MGA: variants seen among roughly 807,000 people sequenced by gnomAD.
The protein encoded by MGA is MAX dimerization protein MGA.
MGA carries 40 observed loss-of-function variants against 261.1 expected under a neutral mutation model. The ratio of observed to expected loss-of-function variants is 0.15; its 90% confidence interval spans 0.12 to 0.20. The LOEUF (loss-of-function observed/expected upper bound fraction) is 0.20. Among genes scored for constraint, MGA ranks in the 10% least tolerant of loss-of-function variants. The probability of loss-of-function intolerance (pLI) is 1.00; values close to 1 mark genes in which losing one functional copy is unlikely to be tolerated. For missense variants in MGA, 3,397 were observed against 3,630.5 expected, an observed-to-expected ratio of 0.94 and a Z score of 1.65; for synonymous variants, 1,302 against 1,290.6, an observed-to-expected ratio of 1.01 and a Z score of -0.19.
At chr15:41,705,138 A>G (rs1417549608) in intron 5 of MGA, among the ~76,000 whole-genome samples, 1 of 152,170 alleles carries the variant, frequency 6.6e-6, no homozygotes, top group Non-Finnish European at 1.5e-5. Context: ...TTCATATGAA[A>G]TCAGCTGAGT....
chr15:41,767,664 T>C lies in MGA; in HGVS notation c.*384T>C, dbSNP rs1432285475. 1 of 200,676 alleles carries C rather than the reference T, an allele frequency of 5.0e-6. No individual in the cohort carries two copies. The highest frequency in any genetic ancestry group is 1.0e-5 in the Non-Finnish European group (1 of 97,120). 12.4% of individuals were successfully genotyped at this position (200,676 alleles called of 1,614,324 possible). Reference sequence around the variant, plus strand: ...TTTGGAGTTGCTGTAGACTGAACTGTAGCTTGTAGCTGTTGAATTAAGTCC... The same window carrying C: ...TTTGGAGTTGCTGTAGACTGAACTGCAGCTTGTAGCTGTTGAATTAAGTCC... On this transcript the variant is annotated 3_prime_UTR_variant, in exon 24 of 24. Transcript: ENST00000219905.
intron 11 of MGA, 65 bp downstream of exon 11, chr15:41,729,414 T>C: frequency 7.0e-7 from 1 of 1,432,954 alleles, no homozygotes; most frequent in Non-Finnish European, 9.6e-7. Flanking sequence ...TTAAGATTTG[T>C]ATTACTATCA....
Position 41,718,887 on chromosome 15 carries a change from C to T in MGA, c.3430+5391C>T, listed in dbSNP as rs144732164. On this transcript the variant is annotated intron_variant, in intron 9 of 23. Transcript: ENST00000219905. ...GCCCATTTTTACCACTTCTGTTTAA[C>T]GTTATGTACAGGAGGTCCTAGCCAG... 4.9e-3 allele frequency among the ~76,000 whole-genome samples: 743 copies of T among 152,034 alleles called. 6 individuals are homozygous for T. The highest frequency in any genetic ancestry group is 0.017 in the African/African-American group (711 of 41,524).
chr15:41,733,267 C>T (rs558570779), intron 11 of MGA, among the ~76,000 whole-genome samples: 13 of 152,074 alleles, frequency 8.5e-5, no homozygotes, highest in Admixed American at 2.0e-4. Flanking sequence ...TGTTCCTCTA[C>T]TTTCTTAACT....
At chr15:41,653,096 G>A (rs2057100810) in intron 1 of MGA, among the ~76,000 whole-genome samples, 1 of 152,088 alleles carries the variant, frequency 6.6e-6, no homozygotes, top group South Asian at 2.1e-4. Flanking sequence ...GCTGGGCGTG[G>A]TAGCTCACGC....
intron 1 of MGA, among the ~76,000 whole-genome samples, chr15:41,626,429 T>C (rs28579440): frequency 6.6e-6 from 1 of 152,028 alleles, no homozygotes; most frequent in African/African-American, 2.4e-5. Context: ...CTTTTTTTTT[T>C]AAAATTTTTT....
At chr15:41,651,947 T>C (rs1595573688) in intron 1 of MGA, among the ~76,000 whole-genome samples, 1 of 37,032 alleles carries the variant, frequency 2.7e-5, no homozygotes, top group African/African-American at 1.1e-4. Flanking sequence ...CCGTCTCTCC[T>C]CTTCCCCCCA....
intron 17 of MGA, among the ~76,000 whole-genome samples, chr15:41,753,184 C>T (rs1370349789): frequency 8.5e-5 from 13 of 152,054 alleles, no homozygotes; most frequent in Admixed American, 7.2e-4. Flanking sequence ...CTGAGGCAGG[C>T]GGATCACCTG....
rs567854352 is a variant in MGA, at chr15:41,765,945, A to G, written c.7922-59A>G. 7 of 1,358,794 alleles carry G rather than the reference A, an allele frequency of 5.2e-6. No individual in the cohort carries two copies. The African/African-American group carries it at 1.0e-4, about 20-fold the overall frequency. The allele number at this position is 1,358,794 out of a possible 1,614,324, so 84.2% of individuals were successfully genotyped here. The stretch of plus-strand genomic sequence containing the variant: ...TGGTTATATGATATGACAGAGAGAA[A>G]GAGAGGTGTTAACACTAGATCTAAA... On this transcript the variant is annotated intron_variant, in intron 23 of 23. Transcript: ENST00000219905.
Position 41,669,742 on chromosome 15 carries a change from A to G in MGA, c.848A>G (p.Asn283Ser), listed in dbSNP as rs762868213. Residue 283 changes from asparagine (N) to serine (S), a missense_variant, in exon 2 of 24, where the codon AAT becomes AGT. Around this residue, in one of 9 missense-constraint regions of MGA, gnomAD observed 563 missense variants for 563.6 expected, o/e 1.00. Transcript: ENST00000219905. The stretch of plus-strand genomic sequence containing the variant: ...AACAGCTCTGACCAAGAAGGGAATA[A>G]TATTTCCAGTTCTTCTGGTCATCGG... 2 of 1,613,804 alleles carry G rather than the reference A, an allele frequency of 1.2e-6. No individual in the cohort carries two copies. Among genetic ancestry groups the G allele is most frequent in the African/African-American group, 1.3e-5 (1 of 75,042 alleles).
At chr15:41,654,141 CT>C (rs2150740290) in intron 1 of MGA, among the ~76,000 whole-genome samples, 1 of 152,260 alleles carries the variant, frequency 6.6e-6, no homozygotes, top group East Asian at 1.9e-4. Flanking sequence ...GTGACTTATA[CT>C]CCATCACAGT....
rs1039083951 is a variant in MGA, at chr15:41,750,050, T to C, written c.6443T>C (p.Met2148Thr). The stretch of plus-strand genomic sequence containing the variant: ...TTTGAATTGTCAGGAAGCAAAGTTA[T>C]GGAGCAGCAATCTAATCTACAGCCA... The change falls in exon 17 of 24, where the codon ATG (methionine) becomes ACG (threonine). Residue 2148 changes from methionine (M) to threonine (T), a missense_variant. Transcript: ENST00000219905. The C allele has an allele frequency of 5.6e-6, 9 of 1,613,264 alleles. No homozygotes were observed. The East Asian group carries it at 6.7e-5, about 12-fold the overall frequency.
chr15:41,657,458 A>G (rs769132411), upstream of MGA, among the ~76,000 whole-genome samples: 3 of 147,090 alleles, frequency 2.0e-5, no homozygotes, highest in East Asian at 4.1e-4. Context: ...TGTTCAAGCA[A>G]TTCCCTTGCC....
chr15:41,663,185 A>G (rs1361929901), intron 1 of MGA, among the ~76,000 whole-genome samples: 1 of 152,150 alleles, frequency 6.6e-6, no homozygotes, highest in Non-Finnish European at 1.5e-5. Flanking sequence ...TACCTAAAAA[A>G]TGTTTTCTAT....
chr15:41,700,005 A>G (rs1005467946), intron 5 of MGA, among the ~76,000 whole-genome samples: 13 of 133,404 alleles, frequency 9.7e-5, no homozygotes, highest in African/African-American at 2.5e-4. Flanking sequence ...TACATGTGCT[A>G]TGGTGGTTTC....
At position 41,696,924 on chromosome 15, in the gene MGA, T is replaced by C; in HGVS notation, c.1914T>C (p.Ser638=). ...AGAACACAGGAAAGTCTTTAATTTC[T>C]ACAAAGAATACACCTGTAAGCCCTG... Residue 638 remains serine, a synonymous_variant, in exon 3 of 24, where the codon TCT becomes TCC. Transcript: ENST00000219905. 6.2e-7 allele frequency: 1 copy of C among 1,601,796 alleles called. No individual in the cohort carries two copies. The highest frequency in any genetic ancestry group is 8.5e-7 in the Non-Finnish European group (1 of 1,173,682).
intron 1 of MGA, among the ~76,000 whole-genome samples, chr15:41,624,503 T>A (rs1056365639): frequency 6.6e-6 from 1 of 152,048 alleles, no homozygotes; most frequent in African/African-American, 2.4e-5. Flanking sequence ...CCTAGCTAAT[T>A]TTTGTATTTT....
intron 11 of MGA, among the ~76,000 whole-genome samples, chr15:41,732,130 C>G (rs1021543849): frequency 3.3e-5 from 5 of 151,566 alleles, no homozygotes; most frequent in African/African-American, 1.2e-4. Flanking sequence ...GAAAAAGCCC[C>G]TAAAATCCAT....
At position 41,763,124 on chromosome 15, in the gene MGA, G is replaced by C. The variant is rs1370452891; in HGVS notation, c.7744+762G>C. Among the ~76,000 whole-genome samples the C allele has an allele frequency of 7.7e-4, 70 of 91,456 alleles. No individual in the cohort carries two copies. The South Asian group carries it at 0.016, about 20-fold the overall frequency. The allele number at this position is 91,456 out of a possible 152,430, so 60.0% of individuals were successfully genotyped here. A position where few individuals can be genotyped will look rare whatever the true frequency, so the allele number is the denominator to read the frequency against. ...TTTTTTTTTTTTTTTTTTTGAGACA[G>C]AGTCTTGCTCTGTTGCCCGGGCTGG... On this transcript the variant is annotated intron_variant, in intron 22 of 23. Coordinates refer to ENST00000219905, the MANE Select transcript of MGA (RefSeq NM_001164273.2).
Sources: gnomAD v4.1 joint callset for allele counts (sites outside exome capture counted in the v4.1 genomes callset) on GRCh38, gnomAD v4.1.1 for gene constraint, gnomAD v4.1.1 regional missense constraint, MANE v1.5 for transcripts, NCBI Gene and HGNC (gene_info 2026-07-23, HGNC 2026-07-21) for gene names.